Variants in KCNMA1 observed in about 807,000 individuals in gnomAD.
KCNMA1 encodes potassium calcium-activated channel subfamily M alpha 1, also known as Calcium-activated potassium channel subunit alpha-1.
KCNMA1 carries 29 observed loss-of-function variants against 140.0 expected under a neutral mutation model. The ratio of observed to expected loss-of-function variants is 0.21; its 90% CI spans 0.15 to 0.28. KCNMA1 has a LOEUF of 0.28. Ranked by LOEUF, KCNMA1 falls within the 10% of genes least tolerant of loss-of-function variation. The pLI is 1.00. For synonymous variants in KCNMA1, 612 were observed against 611.9 expected, an observed-to-expected ratio of 1.00 and a Z score of 0.00; for missense variants, 880 against 1,602.2, an observed-to-expected ratio of 0.55 and a Z score of 7.70.
At chr10:76,953,965 A>G (rs1481490521) in intron 20 of KCNMA1, 41 bp from the exon 21 acceptor site, 2 of 1,607,990 alleles carry the variant, frequency 1.2e-6, no homozygotes, top group South Asian at 1.1e-5. Flanking sequence ...GGAAAATGTG[A>G]TAAATTATAA....
intron 1 of KCNMA1, among the ~76,000 whole-genome samples, chr10:77,531,932 G>A (rs1046071571): frequency 5.3e-5 from 8 of 152,168 alleles, no homozygotes; most frequent in African/African-American, 1.9e-4. Context: ...ACTTCTCTCT[G>A]CCCACGTGGC....
intron 3 of KCNMA1, chr10:77,250,830 C>A: frequency 3.4e-6 from 1 of 296,536 alleles, no homozygotes; most frequent in South Asian, 3.7e-5. Flanking sequence ...TGGCTCAGAC[C>A]CTCATCTGTG....
intron 18 of KCNMA1, among the ~76,000 whole-genome samples, chr10:77,002,800 C>G (rs144556452): frequency 1.3e-5 from 2 of 152,310 alleles, no homozygotes; most frequent in Non-Finnish European, 1.5e-5. Context: ...TTATCATGAA[C>G]TGGCCTGCTT....
chr10:77,115,463 G>A lies in KCNMA1; in HGVS notation c.885-3021C>T, dbSNP rs956603648. ...AGAAATAGATGAAGAACTGATAGCC[G>A]GCGACAAAGGGAGGCCTCTTAGGGA... On this transcript the variant is annotated intron_variant, in intron 6 of 27. Transcript: ENST00000286628. Among the ~76,000 whole-genome samples, 19 of 152,258 alleles carry A rather than the reference G, an allele frequency of 1.2e-4. No individual in the cohort carries two copies. In the South Asian group the frequency reaches 2.3e-3, roughly 18 times the overall value.
intron 1 of KCNMA1, among the ~76,000 whole-genome samples, chr10:77,469,713 C>T (rs1386706336): frequency 6.6e-6 from 1 of 152,220 alleles, no homozygotes; most frequent in Non-Finnish European, 1.5e-5. Context: ...GTGTCTTCTT[C>T]CAAACCTGTA....
intron 14 of KCNMA1, among the ~76,000 whole-genome samples, chr10:77,044,472 G>T (rs2094923012): frequency 6.6e-6 from 1 of 152,060 alleles, no homozygotes; most frequent in South Asian, 2.1e-4. Flanking sequence ...AACACAGCAA[G>T]ACCCTGTCTC....
chr10:77,058,227 C>T (rs1183797498), intron 14 of KCNMA1, among the ~76,000 whole-genome samples: 1 of 151,970 alleles, frequency 6.6e-6, no homozygotes, highest in Non-Finnish European at 1.5e-5. Flanking sequence ...ACGTAACAAT[C>T]TAAAGTATAT....
intron 17 of KCNMA1, 144 bp from the exon 18 acceptor site, chr10:77,012,187 C>T (rs2090951730): frequency 6.5e-7 from 1 of 1,527,350 alleles, no homozygotes; most frequent in South Asian, 1.2e-5. Context: ...TAGACATTTG[C>T]AGACGGAAAT....
At chr10:77,333,950 G>C (rs192084712) in intron 2 of KCNMA1, among the ~76,000 whole-genome samples, 109 of 152,264 alleles carry the variant, frequency 7.2e-4, no homozygotes, top group Admixed American at 1.6e-3. Context: ...ATATGCAATT[G>C]TTGAGTGAAT....
At chr10:77,114,164 CA>C (rs1349259351) in intron 6 of KCNMA1, among the ~76,000 whole-genome samples, 1 of 152,126 alleles carries the variant, frequency 6.6e-6, no homozygotes, top group Non-Finnish European at 1.5e-5. Flanking sequence ...TCCTGCTCCC[CA>C]AAAACCTTAT....
intron 1 of KCNMA1, among the ~76,000 whole-genome samples, chr10:77,436,079 A>G (rs1159877031): frequency 6.6e-6 from 1 of 152,232 alleles, no homozygotes; most frequent in Non-Finnish European, 1.5e-5. Context: ...CACGTAGAGA[A>G]CGTCAGAAAA....
chr10:77,557,902 G>A (rs1034423718), intron 1 of KCNMA1, among the ~76,000 whole-genome samples: 5 of 151,946 alleles, frequency 3.3e-5, no homozygotes, highest in African/African-American at 4.8e-5. Context: ...TGCCGGCCTC[G>A]GGCTCCCCTC....
intron 2 of KCNMA1, among the ~76,000 whole-genome samples, chr10:77,392,768 T>C (rs2095878867): frequency 6.6e-6 from 1 of 152,196 alleles, no homozygotes; most frequent in Admixed American, 6.5e-5. Flanking sequence ...AATGAATGTG[T>C]GGTCACTACC....
intron 1 of KCNMA1, among the ~76,000 whole-genome samples, chr10:77,572,343 C>T (rs1035438385): frequency 1.3e-4 from 19 of 151,568 alleles, no homozygotes; most frequent in Non-Finnish European, 2.2e-4. Context: ...AGTTCGTCCT[C>T]ACAAAAGCCC....
At chr10:77,458,209 C>A (rs1299351184) in intron 1 of KCNMA1, among the ~76,000 whole-genome samples, 1 of 152,220 alleles carries the variant, frequency 6.6e-6, no homozygotes, top group Non-Finnish European at 1.5e-5. Context: ...GGGCACTGTG[C>A]CCCAGAATGG....
intron 20 of KCNMA1, among the ~76,000 whole-genome samples, chr10:76,958,222 C>T (rs2069217754): frequency 6.6e-6 from 1 of 152,168 alleles, no homozygotes; most frequent in Non-Finnish European, 1.5e-5. Flanking sequence ...GTGATAGAGA[C>T]CCACTTCCAA....
chr10:77,229,770 C>T (rs1463535772), intron 3 of KCNMA1, among the ~76,000 whole-genome samples: 1 of 152,186 alleles, frequency 6.6e-6, no homozygotes, highest in African/African-American at 2.4e-5. Context: ...TATGTACACA[C>T]ACACAAAGCA....
At chr10:77,057,113 A>C (rs2095567110) in intron 14 of KCNMA1, among the ~76,000 whole-genome samples, 1 of 152,194 alleles carries the variant, frequency 6.6e-6, no homozygotes. Flanking sequence ...CAAAAGAATA[A>C]TGCCTAGACA....
At chr10:76,958,562 C>A (rs1452644825) in intron 20 of KCNMA1, among the ~76,000 whole-genome samples, 2 of 152,072 alleles carry the variant, frequency 1.3e-5, no homozygotes, top group Non-Finnish European at 2.9e-5. Context: ...GAAATATGGT[C>A]TTTAAAGAAG....
Sources: gnomAD v4.1 joint callset for allele counts (sites outside exome capture counted in the v4.1 genomes callset) on GRCh38, gnomAD v4.1.1 for gene constraint, MANE v1.5 for transcripts, NCBI Gene and HGNC (gene_info 2026-07-23, HGNC 2026-07-21) for gene names.